PADI4: variants seen among roughly 807,000 people sequenced by gnomAD.
PADI4 encodes peptidyl arginine deiminase 4, also known as protein-arginine deiminase type-4.
Under a neutral mutation model 75.0 loss-of-function variants are expected in PADI4, and 62 were observed. That is an observed-to-expected ratio of 0.83 (90% CI 0.67 to 1.02). PADI4 has a LOEUF of 1.02. PADI4 is among the 50% of genes least tolerant of loss of function. PADI4 has a pLI of 0.00. For synonymous variants in PADI4, 361 were observed against 348.1 expected (o/e 1.04, Z -0.41); for missense variants, 845 against 850.5 (o/e 0.99, Z 0.08).
intron 1 of PADI4, among the ~76,000 whole-genome samples, chr1:17,329,945 T>C (rs1277001364): frequency 6.6e-6 from 1 of 152,222 alleles, no homozygotes; most frequent in African/African-American, 2.4e-5. Flanking sequence ...TTATTTCTCA[T>C]GAGTTCAGCA....
intron 10 of PADI4, among the ~76,000 whole-genome samples, chr1:17,352,662 G>A (rs1570087154): frequency 6.6e-6 from 1 of 152,166 alleles, no homozygotes; most frequent in Non-Finnish European, 1.5e-5. Flanking sequence ...CTCTGTGGGT[G>A]GCAGGCACCA....
At chr1:17,355,121 C>A (rs531715634) in intron 11 of PADI4, among the ~76,000 whole-genome samples, 1 of 152,220 alleles carries the variant, frequency 6.6e-6, no homozygotes, top group African/African-American at 2.4e-5. Context: ...GGCTTTTGAA[C>A]TGAGGCCTAA....
intron 15 of PADI4, 150 bp from the exon 16 acceptor site, chr1:17,363,372 C>G: frequency 1.6e-6 from 1 of 607,946 alleles, no homozygotes; most frequent in Non-Finnish European, 3.0e-6. Context: ...ATCCTCCTGC[C>G]TCAGCCTCCC....
intron 10 of PADI4, among the ~76,000 whole-genome samples, chr1:17,352,786 C>T (rs950848539): frequency 6.6e-6 from 1 of 152,118 alleles, no homozygotes; most frequent in Non-Finnish European, 1.5e-5. Context: ...TGGTCAACAT[C>T]CAAATGGGAA....
chr1:17,360,896 C>A (rs1217940047), intron 15 of PADI4, among the ~76,000 whole-genome samples: 3 of 141,262 alleles, frequency 2.1e-5, no homozygotes, highest in Non-Finnish European at 1.5e-5. Context: ...GGTGGTCCCA[C>A]CTTTGTCTTG....
chr1:17,346,110 G>C lies in PADI4; in HGVS notation c.1018G>C (p.Glu340Gln). The change falls in exon 9 of 16, where the codon GAG becomes CAG. Residue 340 changes from glutamate (E) to glutamine (Q), a missense_variant. Glu to Gln is a conservative substitution (Grantham distance 29). Transcript: ENST00000375448. This position sits in a 1 kb window ranked among gnomAD's most constrained non-coding sequence, Gnocchi z 4.3. Reference sequence around the variant, plus strand: ...GTGCAAGCTGACCATCTGCCCTGAGGAGGAGAACATGGATGACCAGTGGAT... The same window carrying C: ...GTGCAAGCTGACCATCTGCCCTGAGCAGGAGAACATGGATGACCAGTGGAT... ...AKCKLTICPEEENMDDQWMQD... is the reference protein window; with the variant it reads ...AKCKLTICPEQENMDDQWMQD... 1 of 1,613,540 alleles carries C rather than the reference G, an allele frequency of 6.2e-7. No homozygotes were observed. The highest frequency in any genetic ancestry group is 8.5e-7 in the Non-Finnish European group (1 of 1,179,428).
intron 1 of PADI4, among the ~76,000 whole-genome samples, chr1:17,317,983 C>T (rs377231833): frequency 2.0e-5 from 3 of 152,348 alleles, no homozygotes; most frequent in African/African-American, 7.2e-5. Flanking sequence ...ATGATTGTGC[C>T]TCTGCATTCC....
chr1:17,311,576 G>A (rs1460412902), intron 1 of PADI4, among the ~76,000 whole-genome samples: 1 of 151,308 alleles, frequency 6.6e-6, no homozygotes, highest in Non-Finnish European at 1.5e-5. Flanking sequence ...CCAGGCTGGA[G>A]TGCAGTGGCA....
intron 1 of PADI4, among the ~76,000 whole-genome samples, chr1:17,315,292 T>C (rs536949183): frequency 6.6e-6 from 1 of 152,026 alleles, no homozygotes; most frequent in Non-Finnish European, 1.5e-5. Flanking sequence ...AAGGAATGAG[T>C]GTGTGTTTTA....
chr1:17,324,850 A>G (rs1416861122), intron 1 of PADI4, among the ~76,000 whole-genome samples: 2 of 152,240 alleles, frequency 1.3e-5, no homozygotes, highest in East Asian at 3.8e-4. Context: ...AGTATTTTCT[A>G]TATGAATGAG....
At chr1:17,331,272 G>A (rs1053025235) in intron 2 of PADI4, 123 bp downstream of exon 2, 24 of 759,994 alleles carry the variant, frequency 3.2e-5, no homozygotes, top group Non-Finnish European at 5.1e-5. Flanking sequence ...GGAAGAGCTC[G>A]TGATGGCTTC....
intron 1 of PADI4, among the ~76,000 whole-genome samples, chr1:17,316,714 TTAATTAATTAATTAATTA>T (rs1557539650): frequency 6.8e-6 from 1 of 147,226 alleles, no homozygotes; most frequent in South Asian, 2.1e-4. Context: ...AATAAATTAA[TTAATTAATTAATTAATTA>T]AAATAAATAA....
At position 17,349,984 on chromosome 1, in the gene PADI4, G is replaced by C. The variant is rs141164666; in HGVS notation, c.1155+1936G>C. On this transcript the variant is annotated intron_variant, in intron 10 of 15. Coordinates refer to ENST00000375448, the MANE Select transcript of PADI4 (RefSeq NM_012387.3). ...CTGTTCCCTGTTCACGGGGCTGGCT[G>C]CTTCTCAGCCTTCAGGTTTCAGCTT... is the stretch of plus-strand genomic sequence containing the variant. Among the ~76,000 whole-genome samples the C allele has an allele frequency of 3.4e-3, 427 of 124,240 alleles. 115 individuals carry two copies. In the East Asian group the frequency reaches 0.038, roughly 11 times the overall value. 81.5% of individuals were successfully genotyped at this position (124,240 alleles called of 152,430 possible). A position where few individuals can be genotyped will look rare whatever the true frequency, so the allele number is the denominator to read the frequency against.
At chr1:17,326,873 A>G (rs2074124588) in intron 1 of PADI4, among the ~76,000 whole-genome samples, 1 of 149,404 alleles carries the variant, frequency 6.7e-6, no homozygotes, top group African/African-American at 2.5e-5. Flanking sequence ...TTTCCCTATG[A>G]ATGTATTTCT....
At chr1:17,309,944 A>T (rs1173285362) in intron 1 of PADI4, among the ~76,000 whole-genome samples, 1 of 152,128 alleles carries the variant, frequency 6.6e-6, no homozygotes, top group African/African-American at 2.4e-5. Context: ...AGTAATCAAG[A>T]TCACAAGTGC....
chr1:17,343,387 C>T (rs1319471671), intron 8 of PADI4, among the ~76,000 whole-genome samples: 9 of 152,092 alleles, frequency 5.9e-5, no homozygotes, highest in African/African-American at 2.2e-4. Context: ...TCAGGAGACC[C>T]TCTCCTCCCC....
chr1:17,337,438 G>A (rs1412729013), intron 4 of PADI4, among the ~76,000 whole-genome samples: 1 of 152,134 alleles, frequency 6.6e-6, no homozygotes, highest in African/African-American at 2.4e-5. Flanking sequence ...GAGCCACTGC[G>A]CCCAGCCAAC....
At chr1:17,352,385 G>T (rs1204838653) in intron 10 of PADI4, among the ~76,000 whole-genome samples, 5 of 152,100 alleles carry the variant, frequency 3.3e-5, no homozygotes, top group Non-Finnish European at 5.9e-5. Context: ...TAGAAACTGA[G>T]AATCATCACA....
intron 1 of PADI4, among the ~76,000 whole-genome samples, chr1:17,311,878 CTGTT>C (rs1395594603): frequency 6.6e-6 from 1 of 152,096 alleles, no homozygotes; most frequent in East Asian, 1.9e-4. Flanking sequence ...CTGGACAAGT[CTGTT>C]TGTCTCTCTG....
Sources: allele counts gnomAD v4.1 joint callset (sites outside exome capture counted in the v4.1 genomes callset), GRCh38; gene constraint gnomAD v4.1.1; non-coding constraint Gnocchi (gnomAD v3.1); transcripts MANE v1.5; gene names NCBI Gene and HGNC (gene_info 2026-07-23, HGNC 2026-07-21).